PRH1: variants seen among roughly 807,000 people sequenced by gnomAD.
PRH1 encodes proline rich protein HaeIII subfamily 1.
Under a neutral mutation model 7.9 loss-of-function variants are expected in PRH1, and 7 were observed. The ratio of observed to expected loss-of-function variants is 0.89; its 90% CI spans 0.50 to 1.67. The LOEUF is 1.67. Among genes scored for constraint, PRH1 ranks in the 40% most tolerant of loss-of-function variants. PRH1 has a pLI of 0.00. For synonymous variants in PRH1, 45 were observed against 80.8 expected, an observed-to-expected ratio of 0.56 and a Z score of 2.38; for missense variants, 109 against 223.6, an observed-to-expected ratio of 0.49 and a Z score of 3.27.
intron 1 of PRH1, among the ~76,000 whole-genome samples, chr12:11,105,392 T>C (rs1038565096): frequency 2.6e-5 from 4 of 152,166 alleles, no homozygotes; most frequent in Admixed American, 1.3e-4. Flanking sequence ...TGTACCTGAT[T>C]CCTGAATTTG....
intron 1 of PRH1, among the ~76,000 whole-genome samples, chr12:11,170,672 C>T (rs992834776): frequency 2.0e-5 from 3 of 152,184 alleles, no homozygotes; most frequent in Non-Finnish European, 4.4e-5. Flanking sequence ...CTAATCTGAA[C>T]TTTTTAAGGG....
Position 11,133,701 on chromosome 12 carries a change from G to C in PRH1, n.40-12521C>G, listed in dbSNP as rs79264600. 4 of 1,614,214 alleles carry C rather than the reference G, an allele frequency of 2.5e-6. No homozygotes were observed. Among genetic ancestry groups the C allele is most frequent in the Middle Eastern group, 3.3e-4 (2 of 6,062 alleles). On this transcript the variant is annotated intron_variant and non_coding_transcript_variant, in intron 1 of 1. Coordinates refer to the PRH1 transcript ENST00000541175. ...AGAGTGAGGGGTACAAAGTTTGCTAGCATGGTTAGAGTCATATTTGAATGG... is the reference window on the plus strand; with the variant it reads ...AGAGTGAGGGGTACAAAGTTTGCTACCATGGTTAGAGTCATATTTGAATGG...
intron 1 of PRH1, among the ~76,000 whole-genome samples, chr12:11,066,507 T>C (rs963364915): frequency 6.6e-6 from 1 of 151,910 alleles, no homozygotes; most frequent in East Asian, 1.9e-4. Context: ...TAAATCTACA[T>C]GTATTGAGCA....
intron 2 of PRH1, among the ~76,000 whole-genome samples, chr12:10,936,506 A>T (rs1045285957): frequency 6.6e-6 from 1 of 152,102 alleles, no homozygotes; most frequent in South Asian, 2.1e-4. Context: ...CACTATAATC[A>T]GGTAACAAAC....
chr12:11,153,947 G>A (rs547027594), intron 1 of PRH1, among the ~76,000 whole-genome samples: 35 of 152,222 alleles, frequency 2.3e-4, no homozygotes, highest in African/African-American at 7.0e-4. Context: ...ACAAGAGAGC[G>A]AAACAAGTGG....
chr12:10,926,705 T>C (rs1048791834), intron 2 of PRH1, among the ~76,000 whole-genome samples: 14 of 152,172 alleles, frequency 9.2e-5, no homozygotes, highest in African/African-American at 3.4e-4. Context: ...GTGGACACAT[T>C]TGAGATGTAT....
intron 1 of PRH1, among the ~76,000 whole-genome samples, chr12:11,003,043 A>G (rs1206782661): frequency 1.3e-5 from 2 of 152,028 alleles, no homozygotes; most frequent in African/African-American, 4.8e-5. Flanking sequence ...AAAAAAGTCT[A>G]TTGCAATATA....
intron 1 of PRH1, among the ~76,000 whole-genome samples, chr12:11,084,289 A>G (rs1250787006): frequency 7.5e-6 from 1 of 133,020 alleles, no homozygotes; most frequent in Non-Finnish European, 1.7e-5. Context: ...TCTTTTGTCT[A>G]CTCTGAGCAC....
At chr12:10,962,873 C>T (rs1482747398) in intron 2 of PRH1, among the ~76,000 whole-genome samples, 1 of 152,156 alleles carries the variant, frequency 6.6e-6, no homozygotes, top group Non-Finnish European at 1.5e-5. Flanking sequence ...GGGTTCATGC[C>T]ATTCTCCTGC....
At chr12:10,901,198 C>T (rs1949718613) in intron 2 of PRH1, among the ~76,000 whole-genome samples, 2 of 152,166 alleles carry the variant, frequency 1.3e-5, no homozygotes, top group South Asian at 2.1e-4. Context: ...TTAAGAGCAC[C>T]TGCCTGCCTA....
At chr12:10,957,141 G>GTA (rs1225315522) in intron 2 of PRH1, among the ~76,000 whole-genome samples, 1 of 150,336 alleles carries the variant, frequency 6.7e-6, no homozygotes, top group East Asian at 1.9e-4. Flanking sequence ...AAAGCAGGAA[G>GTA]TATAACATTA....
chr12:11,089,677 A>C lies in PRH1; in HGVS notation n.124-42489T>G, dbSNP rs1462261880. 2.5e-5 allele frequency among the ~76,000 whole-genome samples: 3 copies of C among 120,002 alleles called. 1 individual carries two copies. The highest frequency in any genetic ancestry group is 6.0e-5 in the Non-Finnish European group (3 of 50,114). The allele number at this position is 120,002 out of a possible 152,430, so 78.7% of individuals were successfully genotyped here. On this transcript the variant is annotated intron_variant and non_coding_transcript_variant, in intron 1 of 4. Transcript: ENST00000541977. ...AGCTGGTTACTAACTCAATTTTTTGAAATGAAATGCCATTTTATTTAAATA... is the reference window on the plus strand; with the variant it reads ...AGCTGGTTACTAACTCAATTTTTTGCAATGAAATGCCATTTTATTTAAATA...
At chr12:11,079,991 T>G (rs1944446043) in intron 1 of PRH1, among the ~76,000 whole-genome samples, 1 of 137,924 alleles carries the variant, frequency 7.3e-6, no homozygotes, top group Non-Finnish European at 1.6e-5. Context: ...CATAGCAATG[T>G]GTCATAAACA....
intron 1 of PRH1, among the ~76,000 whole-genome samples, chr12:11,042,791 G>A (rs1221221286): frequency 2.6e-5 from 4 of 151,652 alleles, no homozygotes; most frequent in South Asian, 4.2e-4. Context: ...CACCACGCCC[G>A]GCTAAATTTT....
chr12:11,050,088 C>T (rs371105914), upstream of PRH1, among the ~76,000 whole-genome samples: 4 of 150,854 alleles, frequency 2.7e-5, no homozygotes, highest in South Asian at 2.1e-4. Context: ...CTGCCAAGAC[C>T]AGCTCGGTTG....
intron 2 of PRH1, among the ~76,000 whole-genome samples, chr12:10,924,530 A>G (rs1950098517): frequency 6.6e-6 from 1 of 152,196 alleles, no homozygotes; most frequent in Non-Finnish European, 1.5e-5. Context: ...TGACATAGGG[A>G]GGATTCCCTC....
At chr12:11,010,465 C>A (rs932066265) in intron 1 of PRH1, among the ~76,000 whole-genome samples, 1 of 151,844 alleles carries the variant, frequency 6.6e-6, no homozygotes, top group Non-Finnish European at 1.5e-5. Flanking sequence ...CAGGTCTAGA[C>A]AAACACCCTC....
chr12:10,977,199 T>A (rs1325165327), intron 1 of PRH1, among the ~76,000 whole-genome samples: 1 of 152,064 alleles, frequency 6.6e-6, no homozygotes, highest in Non-Finnish European at 1.5e-5. Flanking sequence ...CAGCAGCACA[T>A]CAAAAAGCTA....
intron 1 of PRH1, among the ~76,000 whole-genome samples, chr12:11,002,303 T>G (rs766203013): frequency 5.3e-5 from 8 of 152,130 alleles, no homozygotes; most frequent in Non-Finnish European, 1.0e-4. Flanking sequence ...GTTTTCTAAG[T>G]GCTGCGTTTC....
Sources: allele counts gnomAD v4.1 joint callset (sites outside exome capture counted in the v4.1 genomes callset), GRCh38; gene constraint gnomAD v4.1.1; transcripts MANE v1.5; gene names NCBI Gene and HGNC (gene_info 2026-07-23, HGNC 2026-07-21).